Variants in KIAA1328 observed in about 807,000 individuals in gnomAD.
The protein encoded by KIAA1328 is KIAA1328, also known as protein hinderin.
Under a neutral mutation model 68.1 loss-of-function variants are expected in KIAA1328, and 52 were observed. The ratio of observed to expected loss-of-function variants is 0.76; its 90% CI spans 0.61 to 0.96. The LOEUF is 0.96. KIAA1328 is among the 40% of genes least tolerant of loss of function. The pLI is 0.00. For synonymous variants in KIAA1328, 232 were observed against 239.4 expected (o/e 0.97, Z 0.28); for missense variants, 641 against 677.6 (o/e 0.95, Z 0.60).
chr18:36,842,948 A>T (rs1041472814), intron 3 of KIAA1328, among the ~76,000 whole-genome samples: 20 of 152,022 alleles, frequency 1.3e-4, no homozygotes, highest in Admixed American at 5.2e-4. Flanking sequence ...ACTAAAATCC[A>T]ATTACTTAAA....
chr18:37,207,217 A>T (rs566767766), intron 9 of KIAA1328, among the ~76,000 whole-genome samples: 24 of 152,298 alleles, frequency 1.6e-4, no homozygotes, highest in South Asian at 8.3e-4. Flanking sequence ...TACGTCCCCC[A>T]TCAATTTGTC....
chr18:37,111,374 A>G (rs886181333), intron 7 of KIAA1328, among the ~76,000 whole-genome samples: 3 of 152,188 alleles, frequency 2.0e-5, no homozygotes, highest in Non-Finnish European at 4.4e-5. Context: ...AATCACATCT[A>G]CAGAATACCT....
intron 7 of KIAA1328, among the ~76,000 whole-genome samples, chr18:37,087,951 C>T (rs1160562609): frequency 6.6e-6 from 1 of 152,180 alleles, no homozygotes; most frequent in Non-Finnish European, 1.5e-5. Context: ...GATAAACCTC[C>T]AGTCATCTTC....
intron 5 of KIAA1328, among the ~76,000 whole-genome samples, chr18:36,945,581 T>C (rs552848762): frequency 6.6e-6 from 1 of 152,330 alleles, no homozygotes; most frequent in African/African-American, 2.4e-5. Context: ...ACAGTTTTAT[T>C]GAATGTGTTT....
At chr18:37,010,197 C>A (rs886531815) in intron 6 of KIAA1328, among the ~76,000 whole-genome samples, 1 of 152,042 alleles carries the variant, frequency 6.6e-6, no homozygotes, top group Non-Finnish European at 1.5e-5. Context: ...GTAATCCCAG[C>A]ACTTTGGGAG....
At chr18:37,141,674 C>T (rs1441275688) in intron 7 of KIAA1328, among the ~76,000 whole-genome samples, 3 of 152,182 alleles carry the variant, frequency 2.0e-5, no homozygotes, top group African/African-American at 7.2e-5. Flanking sequence ...AACTGCCAAA[C>T]TGTTTTCCAA....
At chr18:37,150,568 AAT>A (rs1304674002) in intron 7 of KIAA1328, among the ~76,000 whole-genome samples, 2 of 151,616 alleles carry the variant, frequency 1.3e-5, no homozygotes, top group Non-Finnish European at 2.9e-5. Flanking sequence ...CATGGACACA[AAT>A]GCAGAAAAAA....
At chr18:36,914,687 T>C (rs2049612657) in intron 5 of KIAA1328, among the ~76,000 whole-genome samples, 1 of 152,066 alleles carries the variant, frequency 6.6e-6, no homozygotes, top group Non-Finnish European at 1.5e-5. Flanking sequence ...GCCACTGCAC[T>C]CCAGCCTGGG....
At chr18:37,119,332 T>C (rs998479308) in intron 7 of KIAA1328, among the ~76,000 whole-genome samples, 6 of 152,158 alleles carry the variant, frequency 3.9e-5, no homozygotes, top group Admixed American at 6.5e-5. Flanking sequence ...CTCATGTTTA[T>C]ATATTGTCTT....
intron 5 of KIAA1328, among the ~76,000 whole-genome samples, chr18:36,953,391 T>TAGATAGATAGATAGATAGATAG: frequency 1.4e-5 from 2 of 139,000 alleles, no homozygotes; most frequent in Non-Finnish European, 3.0e-5. Context: ...GATAGATAGA[T>TAGATAGATAGATAGATAGATAG]AGATAGATAG....
chr18:36,873,337 T>A (rs192753543), intron 4 of KIAA1328, among the ~76,000 whole-genome samples: 2 of 152,366 alleles, frequency 1.3e-5, no homozygotes, highest in African/African-American at 4.8e-5. Context: ...AACATTGTGC[T>A]ACCACATGCA....
At chr18:36,987,770 G>C (rs1014846296) in intron 6 of KIAA1328, among the ~76,000 whole-genome samples, 4 of 151,752 alleles carry the variant, frequency 2.6e-5, no homozygotes, top group Non-Finnish European at 4.4e-5. Flanking sequence ...TTACCCACTT[G>C]TACACTTTAC....
intron 6 of KIAA1328, among the ~76,000 whole-genome samples, chr18:37,062,387 T>G (rs2056182528): frequency 6.6e-6 from 1 of 152,164 alleles, no homozygotes; most frequent in African/African-American, 2.4e-5. Context: ...CCTTGATAAC[T>G]GCCCATCTTT....
At chr18:36,978,377 G>A (rs75394839) in intron 6 of KIAA1328, among the ~76,000 whole-genome samples, 1 of 152,292 alleles carries the variant, frequency 6.6e-6, no homozygotes, top group East Asian at 1.9e-4. Flanking sequence ...TGTATAAACT[G>A]GTTAGGCATA....
intron 7 of KIAA1328, chr18:37,075,546 T>A (rs1420144125): frequency 6.6e-6 from 1 of 152,096 alleles, no homozygotes; most frequent in Admixed American, 6.5e-5. Flanking sequence ...GCAAATTGGA[T>A]AAAGAGTCAA....
At chr18:36,970,056 C>T (rs1005566507) in intron 6 of KIAA1328, among the ~76,000 whole-genome samples, 1 of 152,192 alleles carries the variant, frequency 6.6e-6, no homozygotes, top group Non-Finnish European at 1.5e-5. Context: ...TGAAAATCCT[C>T]AATAAAATAC....
chr18:37,054,879 C>A (rs185180993), intron 6 of KIAA1328, among the ~76,000 whole-genome samples: 1 of 152,230 alleles, frequency 6.6e-6, no homozygotes, highest in Non-Finnish European at 1.5e-5. Context: ...TGTTGACAGG[C>A]CAGAGGTACA....
intron 5 of KIAA1328, among the ~76,000 whole-genome samples, chr18:36,934,022 A>C (rs2050408464): frequency 6.6e-6 from 1 of 152,102 alleles, no homozygotes; most frequent in Admixed American, 6.6e-5. Flanking sequence ...GTCTCTTCCT[A>C]ACTCTCCAGG....
At chr18:36,988,622 A>G (rs560586939) in intron 6 of KIAA1328, among the ~76,000 whole-genome samples, 3 of 152,206 alleles carry the variant, frequency 2.0e-5, no homozygotes, top group Non-Finnish European at 4.4e-5. Flanking sequence ...AGGGCTTGCT[A>G]TTTAGTGAAC....
Sources: gnomAD v4.1 joint callset for allele counts (sites outside exome capture counted in the v4.1 genomes callset) on GRCh38, gnomAD v4.1.1 for gene constraint, MANE v1.5 for transcripts, NCBI Gene and HGNC (gene_info 2026-07-23, HGNC 2026-07-21) for gene names.